DLGAP2: variants seen among roughly 807,000 people sequenced by gnomAD.
DLGAP2 encodes the protein DLG associated protein 2, also known as disks large-associated protein 2.
DLGAP2 carries 26 observed loss-of-function variants against 100.3 expected under a neutral mutation model. That is an observed-to-expected ratio of 0.26 (90% confidence interval 0.19 to 0.36). The LOEUF (loss-of-function observed/expected upper bound fraction) is 0.36. Among genes scored for constraint, DLGAP2 ranks in the 10% least tolerant of loss-of-function variants. The pLI is 1.00. For synonymous variants in DLGAP2, 886 were observed against 630.1 expected, an observed-to-expected ratio of 1.41 and a Z score of -6.08; for missense variants, 1,858 against 1,453.2, an observed-to-expected ratio of 1.28 and a Z score of -4.53.
chr8:1,563,589 A>G (rs1051357503), intron 5 of DLGAP2, among the ~76,000 whole-genome samples: 1 of 151,576 alleles, frequency 6.6e-6, no homozygotes, highest in African/African-American at 2.4e-5. Context: ...GGTGTTGAGG[A>G]CTCCTTGCCA....
At chr8:1,604,294 T>A (rs1028241668) in intron 6 of DLGAP2, among the ~76,000 whole-genome samples, 7 of 152,184 alleles carry the variant, frequency 4.6e-5, no homozygotes, top group African/African-American at 1.4e-4. Context: ...GGAGAGATGT[T>A]TCACTAGGGT....
chr8:1,587,109 C>A (rs1052329313), intron 6 of DLGAP2, among the ~76,000 whole-genome samples: 2 of 152,224 alleles, frequency 1.3e-5, no homozygotes, highest in African/African-American at 2.4e-5. Flanking sequence ...AGGATGCTTT[C>A]TTAAAAACAT....
chr8:1,380,806 C>A (rs758592371), intron 3 of DLGAP2, among the ~76,000 whole-genome samples: 13 of 151,656 alleles, frequency 8.6e-5, no homozygotes, highest in Middle Eastern at 3.2e-3. Flanking sequence ...ACTCACAATA[C>A]CTTATCTTAT....
chr8:1,563,804 C>A (rs1802279081), intron 5 of DLGAP2, among the ~76,000 whole-genome samples: 1 of 152,138 alleles, frequency 6.6e-6, no homozygotes, highest in African/African-American at 2.4e-5. Flanking sequence ...CCTGCCTTCA[C>A]CACCAGCCAC....
chr8:1,336,646 G>A (rs1207923924), intron 3 of DLGAP2, among the ~76,000 whole-genome samples: 1 of 152,190 alleles, frequency 6.6e-6, no homozygotes, highest in African/African-American at 2.4e-5. Context: ...CGATGCATCT[G>A]GAACAGGCTG....
intron 2 of DLGAP2, among the ~76,000 whole-genome samples, chr8:1,056,345 T>A (rs1802883259): frequency 6.6e-6 from 1 of 152,154 alleles, no homozygotes; most frequent in Non-Finnish European, 1.5e-5. Context: ...GAGGGTGGAA[T>A]TCCTCCAGCT....
At chr8:1,640,366 T>C (rs1211435712) in intron 8 of DLGAP2, among the ~76,000 whole-genome samples, 1 of 143,062 alleles carries the variant, frequency 7.0e-6, no homozygotes, top group East Asian at 2.0e-4. Context: ...GGGTCCTCAG[T>C]GTCAGACCTG....
intron 2 of DLGAP2, among the ~76,000 whole-genome samples, chr8:1,230,370 A>G (rs1297367812): frequency 6.6e-6 from 1 of 152,214 alleles, no homozygotes; most frequent in Non-Finnish European, 1.5e-5. Context: ...AGATGGCACA[A>G]GCAACCAAAA....
At chr8:1,057,003 G>A (rs955358930) in intron 2 of DLGAP2, among the ~76,000 whole-genome samples, 3 of 152,120 alleles carry the variant, frequency 2.0e-5, no homozygotes, top group African/African-American at 7.2e-5. Context: ...GTTAGTTTTC[G>A]TTAACCCCAA....
At chr8:1,449,814 G>T (rs1237502990) in intron 3 of DLGAP2, among the ~76,000 whole-genome samples, 4 of 148,520 alleles carry the variant, frequency 2.7e-5, no homozygotes, top group African/African-American at 9.8e-5. Flanking sequence ...TGAAGACGAG[G>T]TGGGCGGCCT....
chr8:1,212,332 C>G (rs1040416671), intron 2 of DLGAP2, among the ~76,000 whole-genome samples: 1 of 152,168 alleles, frequency 6.6e-6, no homozygotes, highest in African/African-American at 2.4e-5. Context: ...TGCTCCGTCT[C>G]CAGAGGTCCT....
chr8:1,460,869 C>T (rs1217306907), intron 3 of DLGAP2, among the ~76,000 whole-genome samples: 1 of 152,130 alleles, frequency 6.6e-6, no homozygotes, highest in African/African-American at 2.4e-5. Flanking sequence ...GGGTTTTATT[C>T]AGTATAATTT....
At chr8:1,431,689 G>A (rs1049964858) in intron 3 of DLGAP2, among the ~76,000 whole-genome samples, 3 of 152,228 alleles carry the variant, frequency 2.0e-5, no homozygotes, top group Admixed American at 6.5e-5. Context: ...TCCGACTGCG[G>A]AGTGGAGGCA....
At chr8:1,447,656 G>T (rs1438304572) in intron 3 of DLGAP2, among the ~76,000 whole-genome samples, 1 of 152,236 alleles carries the variant, frequency 6.6e-6, no homozygotes, top group Non-Finnish European at 1.5e-5. Context: ...GTTTCAGAAG[G>T]AATGTTACCA....
At chr8:830,488 C>G (rs909037051) in intron 1 of DLGAP2, among the ~76,000 whole-genome samples, 2 of 152,232 alleles carry the variant, frequency 1.3e-5, no homozygotes, top group Admixed American at 6.5e-5. Flanking sequence ...TCATTCTACT[C>G]TCTATCTCCG....
Position 1,179,304 on chromosome 8 carries a change from AC to A in DLGAP2, c.74-79541del, listed in dbSNP as rs900649065. Among the ~76,000 whole-genome samples the A allele has an allele frequency of 4.0e-5, 6 of 151,666 alleles. No homozygotes were observed. In the East Asian group the frequency reaches 9.7e-4, roughly 25 times the overall value. On this transcript the variant is annotated intron_variant, in intron 2 of 14. Coordinates refer to ENST00000637795, the MANE Select transcript of DLGAP2 (RefSeq NM_001346810.2). Reference sequence around the variant, plus strand: ...GAGCACTCAGCTCTCTCATTCCCCCACCCCCCATTTTCGCCTGTGCCAAGGT... The same window carrying A: ...GAGCACTCAGCTCTCTCATTCCCCCACCCCCATTTTCGCCTGTGCCAAGGT...
At chr8:960,159 T>C (rs1799688905) in intron 2 of DLGAP2, among the ~76,000 whole-genome samples, 1 of 151,502 alleles carries the variant, frequency 6.6e-6, no homozygotes, top group African/African-American at 2.4e-5. Flanking sequence ...ATATGGGTTC[T>C]TACATGCTGT....
intron 2 of DLGAP2, among the ~76,000 whole-genome samples, chr8:1,153,935 C>G (rs1291855013): frequency 1.3e-5 from 2 of 152,162 alleles, no homozygotes; most frequent in African/African-American, 4.8e-5. Flanking sequence ...GTCTCCTCCC[C>G]TTTCCTAGGG....
intron 1 of DLGAP2, among the ~76,000 whole-genome samples, chr8:800,347 T>C (rs1318604402): frequency 6.6e-6 from 1 of 152,238 alleles, no homozygotes; most frequent in Non-Finnish European, 1.5e-5. Context: ...GTGATGTTTG[T>C]TTGGTGTTGC....
Sources: gnomAD v4.1 joint callset for allele counts (sites outside exome capture counted in the v4.1 genomes callset) on GRCh38, gnomAD v4.1.1 for gene constraint, MANE v1.5 for transcripts, NCBI Gene and HGNC (gene_info 2026-07-23, HGNC 2026-07-21) for gene names.